Variants in GRM7 observed in about 807,000 individuals in gnomAD.
The protein encoded by GRM7 is glutamate metabotropic receptor 7.
A neutral mutation model predicts 84.5 loss-of-function variants in GRM7; 35 were observed. That is an observed-to-expected ratio of 0.41 (90% CI 0.32 to 0.55). The LOEUF is 0.55. Ranked by LOEUF, GRM7 falls within the 20% of genes least tolerant of loss-of-function variation. GRM7 has a pLI of 0.19. For synonymous variants in GRM7, 487 were observed against 455.1 expected, an observed-to-expected ratio of 1.07 and a Z score of -0.89; for missense variants, 1,003 against 1,194.6, an observed-to-expected ratio of 0.84 and a Z score of 2.36.
At chr3:7,659,880 G>C (rs1046841445) in intron 8 of GRM7, among the ~76,000 whole-genome samples, 2 of 152,120 alleles carry the variant, frequency 1.3e-5, no homozygotes, top group Non-Finnish European at 2.9e-5. Context: ...TATAATCACT[G>C]GGCGTTTGGT....
At chr3:7,297,598 G>A (rs960060437) in intron 2 of GRM7, among the ~76,000 whole-genome samples, 3 of 152,116 alleles carry the variant, frequency 2.0e-5, no homozygotes, top group African/African-American at 7.2e-5. Context: ...TGGGATTCCA[G>A]TGTAATGAAG....
At chr3:7,707,494 G>A (rs558172908) in intron 9 of GRM7, among the ~76,000 whole-genome samples, 2 of 152,106 alleles carry the variant, frequency 1.3e-5, no homozygotes, top group Non-Finnish European at 2.9e-5. Flanking sequence ...TTCCATGGAG[G>A]CCGCCACTTG....
At chr3:7,552,754 C>T (rs1575485781) in intron 7 of GRM7, among the ~76,000 whole-genome samples, 3 of 152,208 alleles carry the variant, frequency 2.0e-5, no homozygotes, top group Admixed American at 6.5e-5. Flanking sequence ...AGCAGCGAGG[C>T]CCGGGGCCTA....
chr3:6,980,070 T>A (rs537040063), intron 1 of GRM7, among the ~76,000 whole-genome samples: 1 of 152,282 alleles, frequency 6.6e-6, no homozygotes, highest in Non-Finnish European at 1.5e-5. Flanking sequence ...TAATGGCCTT[T>A]AAGGTTAAAT....
At chr3:7,544,546 T>C (rs892613863) in intron 7 of GRM7, among the ~76,000 whole-genome samples, 13 of 152,300 alleles carry the variant, frequency 8.5e-5, no homozygotes, top group Admixed American at 7.2e-4. Flanking sequence ...GGCTAAGCCC[T>C]ATGTCCCATC....
Position 6,861,316 on chromosome 3 carries a change from A to G in GRM7, c.-73A>G, listed in dbSNP as rs2124923362. 2 of 1,331,872 alleles carry G rather than the reference A, an allele frequency of 1.5e-6. No homozygotes were observed. Among genetic ancestry groups the G allele is most frequent in the Non-Finnish European group, 2.0e-6 (2 of 1,023,536 alleles). 82.5% of individuals were successfully genotyped at this position (1,331,872 alleles called of 1,614,324 possible). A position where few individuals can be genotyped will look rare whatever the true frequency, so the allele number is the denominator to read the frequency against. ...GCTTTCCCGGAGGAGCTCGCCCTGAAGGGCCCGGACCTCGGCGAGCCCACC... is the reference window on the plus strand; with the variant it reads ...GCTTTCCCGGAGGAGCTCGCCCTGAGGGGCCCGGACCTCGGCGAGCCCACC... On this transcript the variant is annotated 5_prime_UTR_variant, in exon 1 of 10. Coordinates refer to ENST00000357716, the MANE Select transcript of GRM7 (RefSeq NM_000844.4). The surrounding 1 kb of genome is among the most constrained non-coding windows in gnomAD (Gnocchi z 6.4).
chr3:7,104,955 T>C (rs1167104560), intron 1 of GRM7, among the ~76,000 whole-genome samples: 1 of 151,892 alleles, frequency 6.6e-6, no homozygotes, highest in Non-Finnish European at 1.5e-5. Flanking sequence ...GCATTAATTA[T>C]GTTTCAAACA....
intron 2 of GRM7, among the ~76,000 whole-genome samples, chr3:7,295,405 G>A (rs1309169716): frequency 6.6e-6 from 1 of 152,104 alleles, no homozygotes; most frequent in Non-Finnish European, 1.5e-5. Context: ...TTGAAAGTAA[G>A]TCTTAAACTT....
chr3:7,684,934 A>T (rs1218417056), intron 9 of GRM7, among the ~76,000 whole-genome samples: 2 of 152,112 alleles, frequency 1.3e-5, no homozygotes, highest in African/African-American at 4.8e-5. Flanking sequence ...GAATAGCTTT[A>T]TATCTGGCCA....
rs1553617438 is a variant in GRM7 at position 7,103,816 on chromosome 3, T to TTCTTTCTCTC, written c.520-42633_520-42632insTTCTCTCTCT. 1.5e-3 allele frequency among the ~76,000 whole-genome samples: 137 copies of TTCTTTCTCTC among 89,106 alleles called. 10 individuals are homozygous for TTCTTTCTCTC. The highest frequency in any genetic ancestry group is 5.7e-3 in the African/African-American group (118 of 20,766). The allele number at this position is 89,106 out of a possible 152,430, so 58.5% of individuals were successfully genotyped here. A position where few individuals can be genotyped will look rare whatever the true frequency, so the allele number is the denominator to read the frequency against. On this transcript the variant is annotated intron_variant, in intron 1 of 9. Coordinates refer to ENST00000357716, the MANE Select transcript of GRM7 (RefSeq NM_000844.4). The stretch of plus-strand genomic sequence containing the variant: ...TTTCTTTCTTTCTTTCTTTCTTTCT[T>TTCTTTCTCTC]TCTCTCTCTCTCTGTCTCTCTCTCC...
At chr3:7,377,547 CTG>C (rs1304671038) in intron 4 of GRM7, among the ~76,000 whole-genome samples, 1 of 152,118 alleles carries the variant, frequency 6.6e-6, no homozygotes, top group Admixed American at 6.6e-5. Context: ...AAATAAGAAA[CTG>C]ATATTCACAA....
chr3:7,019,455 T>C (rs1695693121), intron 1 of GRM7, among the ~76,000 whole-genome samples: 2 of 152,110 alleles, frequency 1.3e-5, no homozygotes, highest in South Asian at 4.1e-4. Context: ...TCCATCCCTC[T>C]CTCTCCCCTA....
At chr3:6,889,309 C>T (rs755276816) in intron 1 of GRM7, among the ~76,000 whole-genome samples, 3 of 152,076 alleles carry the variant, frequency 2.0e-5, no homozygotes, top group East Asian at 3.9e-4. Flanking sequence ...TTTCTTGTGC[C>T]AGTTTTCAAA....
chr3:7,114,882 T>C (rs1692978499), intron 1 of GRM7, among the ~76,000 whole-genome samples: 1 of 152,150 alleles, frequency 6.6e-6, no homozygotes, highest in Non-Finnish European at 1.5e-5. Flanking sequence ...TCATCACTGC[T>C]GCCCACCCCA....
At chr3:7,012,985 T>G (rs1456735735) in intron 1 of GRM7, among the ~76,000 whole-genome samples, 1 of 152,088 alleles carries the variant, frequency 6.6e-6, no homozygotes, top group Non-Finnish European at 1.5e-5. Context: ...AGCAATCTTC[T>G]GGCGTCTTCC....
At chr3:7,330,265 G>A (rs112379073) in intron 4 of GRM7, among the ~76,000 whole-genome samples, 168 of 152,176 alleles carry the variant, frequency 1.1e-3, no homozygotes, top group Non-Finnish European at 2.0e-3. Flanking sequence ...CGTTTTCAGT[G>A]ATTCTATAAT....
At chr3:7,088,744 C>T (rs1221048917) in intron 1 of GRM7, among the ~76,000 whole-genome samples, 1 of 128,684 alleles carries the variant, frequency 7.8e-6, no homozygotes, top group African/African-American at 3.2e-5. Context: ...GGGTAAGAGG[C>T]TTGTGTGACA....
At chr3:7,675,955 T>C (rs1389696496) in intron 8 of GRM7, among the ~76,000 whole-genome samples, 1 of 152,140 alleles carries the variant, frequency 6.6e-6, no homozygotes, top group Non-Finnish European at 1.5e-5. Flanking sequence ...TTCAGAAAAC[T>C]GAAAGACAGA....
chr3:7,353,514 C>T (rs1321450381), intron 4 of GRM7, among the ~76,000 whole-genome samples: 1 of 151,996 alleles, frequency 6.6e-6, no homozygotes, highest in Admixed American at 6.6e-5. Context: ...GCTGGAGATG[C>T]CTGATCTCCC....
Sources: gnomAD v4.1 joint callset for allele counts (sites outside exome capture counted in the v4.1 genomes callset) on GRCh38, gnomAD v4.1.1 for gene constraint, Gnocchi (gnomAD v3.1) non-coding constraint, MANE v1.5 for transcripts, NCBI Gene and HGNC (gene_info 2026-07-23, HGNC 2026-07-21) for gene names.